Variants in ITGAM observed in about 807,000 individuals in gnomAD.
ITGAM encodes integrin alpha-M.
Under a neutral mutation model 137.5 loss-of-function variants are expected in ITGAM, and 79 were observed. The ratio of observed to expected loss-of-function variants is 0.57; its 90% CI spans 0.48 to 0.69. The LOEUF is 0.69. ITGAM is among the 30% of genes least tolerant of loss of function. The probability of loss-of-function intolerance (pLI) is 0.00; values close to 1 mark genes in which losing one functional copy is unlikely to be tolerated. For synonymous variants in ITGAM, 583 were observed against 592.3 expected (o/e 0.98, Z 0.23); for missense variants, 1,343 against 1,483.5 (o/e 0.91, Z 1.56).
intron 22 of ITGAM, among the ~76,000 whole-genome samples, chr16:31,327,595 AAAT>A (rs907618848): frequency 2.1e-4 from 31 of 150,992 alleles, no homozygotes; most frequent in Admixed American, 9.2e-4. Context: ...CCCAGTGTCA[AAAT>A]AATAATAATA....
At chr16:31,303,830 C>CAT (rs1023243264) in intron 14 of ITGAM, among the ~76,000 whole-genome samples, 43 of 152,198 alleles carry the variant, frequency 2.8e-4, no homozygotes, top group African/African-American at 1.0e-3. Context: ...TACACACACA[C>CAT]ATATATATAA....
chr16:31,266,005 C>T, intron 4 of ITGAM, 25 bp from the exon 5 acceptor site: 1 of 1,601,228 alleles, frequency 6.2e-7, no homozygotes, highest in Non-Finnish European at 8.6e-7. Flanking sequence ...AGGGGCAGCC[C>T]CTTCCACTGG....
In ITGAM at chr16:31,312,159, T is replaced by C. The variant is rs1432685057; in HGVS notation, c.1708-9082T>C. 2.2e-5 allele frequency among the ~76,000 whole-genome samples: 3 copies of C among 136,908 alleles called. No homozygotes were observed. The East Asian group carries it at 7.7e-4, about 35-fold the overall frequency. 89.8% of individuals were successfully genotyped at this position (136,908 alleles called of 152,430 possible). On this transcript the variant is annotated intron_variant, in intron 14 of 29. Transcript: ENST00000544665. ...GTGGGGTGGGGGGAGGGGGGAGGGA[T>C]AGCATTAGGAGATATACCTAATGCT...
chr16:31,272,067 C>G (rs2079847259), intron 7 of ITGAM, 75 bp downstream of exon 7: 9 of 1,567,408 alleles, frequency 5.7e-6, no homozygotes, highest in Non-Finnish European at 7.9e-6. Flanking sequence ...ATGAAGGGAG[C>G]CGTTCAGACA....
At chr16:31,289,454 A>G (rs1466010014) in intron 12 of ITGAM, among the ~76,000 whole-genome samples, 1 of 152,202 alleles carries the variant, frequency 6.6e-6, no homozygotes, top group Non-Finnish European at 1.5e-5. Context: ...TGTCTTTTGT[A>G]GGGACATGGA....
intron 12 of ITGAM, among the ~76,000 whole-genome samples, chr16:31,287,840 G>A (rs1020495449): frequency 3.9e-5 from 6 of 152,050 alleles, no homozygotes; most frequent in Middle Eastern, 3.4e-3. Context: ...GGGGAAAAAA[G>A]TGTAGAGGAA....
chr16:31,287,297 T>C (rs2080038881), intron 12 of ITGAM, among the ~76,000 whole-genome samples: 1 of 152,198 alleles, frequency 6.6e-6, no homozygotes. Context: ...CATATTCGGA[T>C]AGTGTGATGC....
At chr16:31,310,561 C>T (rs558221735) in intron 14 of ITGAM, among the ~76,000 whole-genome samples, 1 of 152,330 alleles carries the variant, frequency 6.6e-6, no homozygotes, top group East Asian at 1.9e-4. Flanking sequence ...CCTTTAAGGA[C>T]TTCTCCGCAT....
At chr16:31,286,014 G>C (rs1331047130) in intron 12 of ITGAM, among the ~76,000 whole-genome samples, 1 of 151,930 alleles carries the variant, frequency 6.6e-6, no homozygotes, top group Non-Finnish European at 1.5e-5. Flanking sequence ...TCCTCCATCT[G>C]GTAGTCTGCA....
chr16:31,326,356 A>G (rs41440449), intron 21 of ITGAM, among the ~76,000 whole-genome samples: 44,469 of 152,132 alleles, frequency 0.29, 7,695 homozygotes, highest in East Asian at 0.69. Context: ...GGACTTAGCA[A>G]GGATCATTCA....
intron 28 of ITGAM, 35 bp downstream of exon 28, chr16:31,330,640 G>A (rs1400291566): frequency 6.1e-6 from 9 of 1,471,236 alleles, no homozygotes; most frequent in South Asian, 1.3e-5. Flanking sequence ...CTATTGGAGG[G>A]AGAGGGGCTG....
rs1199522680 is a variant in ITGAM, at chr16:31,297,511, C to T, written c.1357-3C>T. ...TGTGTGATTACGGTCCTGTCTCTTTCAGATCGGCGCCTACTTCGGGGCCTC... is the reference window on the plus strand; with the variant it reads ...TGTGTGATTACGGTCCTGTCTCTTTTAGATCGGCGCCTACTTCGGGGCCTC... On this transcript the variant is annotated splice_polypyrimidine_tract_variant and splice_region_variant and intron_variant, in intron 12 of 29. Coordinates refer to ENST00000544665, the MANE Select transcript of ITGAM (RefSeq NM_000632.4). The T allele has an allele frequency of 6.2e-7, 1 of 1,612,012 alleles. No individual in the cohort carries two copies. The highest frequency in any genetic ancestry group is 8.5e-7 in the Non-Finnish European group (1 of 1,179,844).
At chr16:31,281,424 A>C (rs988379001) in intron 12 of ITGAM, among the ~76,000 whole-genome samples, 1 of 152,162 alleles carries the variant, frequency 6.6e-6, no homozygotes, top group Admixed American at 6.6e-5. Context: ...TCAGAGATTC[A>C]ACTTCTTCCT....
chr16:31,315,859 G>C (rs1050712831), intron 14 of ITGAM, among the ~76,000 whole-genome samples: 1 of 152,046 alleles, frequency 6.6e-6, no homozygotes, highest in Non-Finnish European at 1.5e-5. Flanking sequence ...TAAAAAGACT[G>C]TCCTTTCCCC....
At chr16:31,279,120 C>A (rs1036770908) in intron 12 of ITGAM, among the ~76,000 whole-genome samples, 10 of 152,210 alleles carry the variant, frequency 6.6e-5, no homozygotes, top group African/African-American at 2.2e-4. Flanking sequence ...GCCACATTTT[C>A]TTAATCCAGT....
chr16:31,282,956 T>G (rs2079986249), intron 12 of ITGAM, among the ~76,000 whole-genome samples: 1 of 152,178 alleles, frequency 6.6e-6, no homozygotes, highest in Admixed American at 6.5e-5. Flanking sequence ...TGTAAAGTAT[T>G]TTATTTCTCC....
At chr16:31,274,655 C>T (rs57980048) in intron 8 of ITGAM, among the ~76,000 whole-genome samples, 2 of 152,000 alleles carry the variant, frequency 1.3e-5, no homozygotes, top group Non-Finnish European at 2.9e-5. Context: ...TGCTCTATCG[C>T]TCAGGCTGGA....
At chr16:31,307,386 T>C (rs149366338) in intron 14 of ITGAM, among the ~76,000 whole-genome samples, 61 of 152,268 alleles carry the variant, frequency 4.0e-4, no homozygotes, top group African/African-American at 1.4e-3. Context: ...TGGATTCCTA[T>C]ATATTTTGTT....
Position 31,275,709 on chromosome 16 carries a change from G to T in ITGAM, c.1009+10G>T. 5.0e-6 allele frequency: 8 copies of T among 1,613,472 alleles called. No homozygotes were observed. The South Asian group carries it at 8.8e-5, about 18-fold the overall frequency. ...ATCTTTGCGATCGAGGGTGAGTCAG[G>T]CATCTGTGTTCCCAGAGCAGCTCCA... On this transcript the variant is annotated intron_variant, in intron 9 of 29. Coordinates refer to ENST00000544665, the MANE Select transcript of ITGAM (RefSeq NM_000632.4).
Sources: gnomAD v4.1 joint callset for allele counts (sites outside exome capture counted in the v4.1 genomes callset) on GRCh38, gnomAD v4.1.1 for gene constraint, MANE v1.5 for transcripts, NCBI Gene and HGNC (gene_info 2026-07-23, HGNC 2026-07-21) for gene names.